Variants in MEGF10 observed in about 807,000 individuals in gnomAD.
MEGF10 encodes multiple EGF like domains 10, also known as multiple epidermal growth factor-like domains protein 10.
Under a neutral mutation model 147.5 loss-of-function variants are expected in MEGF10, and 86 were observed. The observed-to-expected ratio is 0.58, with a 90% CI of 0.49 to 0.70. The LOEUF is 0.70. Among genes scored for constraint, MEGF10 ranks in the 30% least tolerant of loss-of-function variants. The pLI, the probability that MEGF10 is intolerant of heterozygous loss-of-function variation, is 0.00. For missense variants in MEGF10, 1,329 were observed against 1,487.3 expected (o/e 0.89, Z 1.75); for synonymous variants, 478 against 525.5 (o/e 0.91, Z 1.24).
chr5:127,398,674 A>G lies in MEGF10; in HGVS notation c.660-2A>G. ...GTCCTTTGTCACATGTTAATCCCTC[A>G]GCTGTGAGGATCTTTGTCCTCCTGG... On this transcript the variant is annotated splice_acceptor_variant, in intron 6 of 24. Coordinates refer to ENST00000503335, the MANE Select transcript of MEGF10 (RefSeq NM_001256545.2). LOFTEE classifies it high-confidence loss of function. 1 of 1,614,114 alleles carries G rather than the reference A, an allele frequency of 6.2e-7. No individual in the cohort carries two copies. The highest frequency in any genetic ancestry group is 8.5e-7 in the Non-Finnish European group (1 of 1,180,000).
chr5:127,258,642 G>A, the MEGF10 span, among the ~76,000 whole-genome samples: 2 of 152,148 alleles, frequency 1.3e-5, no homozygotes, highest in Non-Finnish European at 2.9e-5. Flanking sequence ...GTACTGGAAG[G>A]TGGGGCCTCT....
intron 4 of MEGF10, among the ~76,000 whole-genome samples, chr5:127,356,598 A>G (rs1347802505): frequency 6.6e-6 from 1 of 152,230 alleles, no homozygotes; most frequent in Non-Finnish European, 1.5e-5. Flanking sequence ...GCTAAAAAAC[A>G]ATAGCTAAGT....
At position 127,422,703 on chromosome 5, in the gene MEGF10, T is replaced by C; in HGVS notation, c.1624T>C (p.Cys542Arg). ...GTACGGGCTGAACTGTGCTGAGCGC[T>C]GCGACTGCAGCCACGCAGATGGCTG... ...GTYGLNCAER[C>R]DCSHADGCHP... is the part of the protein sequence containing the mutation. The change falls in exon 13 of 25, where the codon TGC becomes CGC. Residue 542 changes from cysteine (C) to arginine (R), a missense_variant. Cys to Arg is a radical substitution (Grantham distance 180). Coordinates refer to ENST00000503335, the MANE Select transcript of MEGF10 (RefSeq NM_001256545.2). 6.2e-7 allele frequency: 1 copy of C among 1,614,064 alleles called. No individual in the cohort carries two copies. Among genetic ancestry groups the C allele is most frequent in the Non-Finnish European group, 8.5e-7 (1 of 1,179,988 alleles).
At chr5:127,427,396 T>C (rs1303191054) in intron 13 of MEGF10, among the ~76,000 whole-genome samples, 1 of 151,962 alleles carries the variant, frequency 6.6e-6, no homozygotes, top group African/African-American at 2.4e-5. Context: ...GGACACCCAA[T>C]GAAACTCTAG....
chr5:127,287,272 T>C (rs73785573), upstream of MEGF10, among the ~76,000 whole-genome samples: 970 of 152,110 alleles, frequency 6.4e-3, 9 homozygotes, highest in African/African-American at 0.022. Flanking sequence ...AATGTTGTAC[T>C]GGGCATCCTA....
In MEGF10 at chr5:127,419,095, C is replaced by T. The variant is rs775576692; in HGVS notation, c.1306-25C>T. 10 of 1,584,260 alleles carry T rather than the reference C, an allele frequency of 6.3e-6. No homozygotes were observed. In the African/African-American group the frequency reaches 1.4e-4, roughly 22 times the overall value. On this transcript the variant is annotated intron_variant, in intron 10 of 24. Transcript: ENST00000503335. Reference sequence around the variant, plus strand: ...TTATTTCAGTTGGCAAAATTGAATGCATTTTGCTACTTGTGCCTGTCTAGG... The same window carrying T: ...TTATTTCAGTTGGCAAAATTGAATGTATTTTGCTACTTGTGCCTGTCTAGG...
intron 4 of MEGF10, among the ~76,000 whole-genome samples, chr5:127,358,879 C>A (rs1196504607): frequency 6.6e-6 from 1 of 152,136 alleles, no homozygotes; most frequent in African/African-American, 2.4e-5. Context: ...CTGACTCAAC[C>A]TATAGAGACA....
At chr5:127,284,186 G>C in the MEGF10 span, among the ~76,000 whole-genome samples, 1 of 152,128 alleles carries the variant, frequency 6.6e-6, no homozygotes. Flanking sequence ...AAAATATCTA[G>C]GACTGGAAGA....
the MEGF10 span, among the ~76,000 whole-genome samples, chr5:127,276,348 T>C: frequency 1.3e-5 from 2 of 152,374 alleles, no homozygotes; most frequent in Admixed American, 6.5e-5. Context: ...GGCAGGCTAA[T>C]ATGAATTCCC....
At position 127,420,068 on chromosome 5, in the gene MEGF10, T is replaced by C; in HGVS notation, c.1451T>C (p.Ile484Thr). 6.2e-7 allele frequency: 1 copy of C among 1,614,140 alleles called. No homozygotes were observed. The change falls in exon 12 of 25, where the codon ATC becomes ACC. Residue 484 changes from isoleucine to threonine, a missense_variant. Physicochemically the swap from Ile to Thr is moderately conservative, Grantham distance 89. Coordinates refer to ENST00000503335, the MANE Select transcript of MEGF10 (RefSeq NM_001256545.2). ...GGCTGGCACGGGGTGGACTGCTCCA[T>C]CAGATGTCCCAGTGGCACATGGGGC... ...KAGWHGVDCS[I>T]RCPSGTWGFG...
chr5:127,351,135 TAA>T (rs2126820399), intron 4 of MEGF10, among the ~76,000 whole-genome samples: 1 of 152,298 alleles, frequency 6.6e-6, no homozygotes, highest in African/African-American at 2.4e-5. Context: ...AAAAAATAAC[TAA>T]AAGAGTAAAT....
chr5:127,308,722 G>A (rs867178571), intron 1 of MEGF10, among the ~76,000 whole-genome samples: 8 of 151,838 alleles, frequency 5.3e-5, no homozygotes, highest in Admixed American at 2.6e-4. Flanking sequence ...GTGGGGTGGG[G>A]GGAAGGGGGA....
intron 4 of MEGF10, among the ~76,000 whole-genome samples, chr5:127,368,515 GC>G (rs1762734409): frequency 6.6e-6 from 1 of 152,084 alleles, no homozygotes; most frequent in Admixed American, 6.6e-5. Flanking sequence ...TCACAATAAA[GC>G]CCCAACACCT....
rs1041045097 is a variant in MEGF10, at chr5:127,433,610, G to T, written c.1840+101G>T. On this transcript the variant is annotated intron_variant, in intron 14 of 24. Coordinates refer to ENST00000503335, the MANE Select transcript of MEGF10 (RefSeq NM_001256545.2). Reference sequence around the variant, plus strand: ...ACCTCTCAGTTTATAGTGATGTCCTGTTGCAGTTGAAGGCAAAAGAGAGTG... The same window carrying T: ...ACCTCTCAGTTTATAGTGATGTCCTTTTGCAGTTGAAGGCAAAAGAGAGTG... The T allele has an allele frequency of 4.2e-5, 59 of 1,413,612 alleles. No individual in the cohort carries two copies. In the African/African-American group the frequency reaches 7.4e-4, roughly 18 times the overall value. 87.6% of individuals were successfully genotyped at this position (1,413,612 alleles called of 1,614,324 possible).
At chr5:127,449,470 C>G (rs41298314) in intron 22 of MEGF10, among the ~76,000 whole-genome samples, 1 of 152,270 alleles carries the variant, frequency 6.6e-6, no homozygotes, top group Non-Finnish European at 1.5e-5. Context: ...TCTGCCTGCT[C>G]GTAGCTTACA....
At chr5:127,349,029 T>G (rs1477781612) in intron 4 of MEGF10, among the ~76,000 whole-genome samples, 1 of 152,134 alleles carries the variant, frequency 6.6e-6, no homozygotes, top group Non-Finnish European at 1.5e-5. Context: ...AAAAAAAATT[T>G]GTATTAGTAA....
At chr5:127,406,620 C>G (rs896315531) in intron 8 of MEGF10, among the ~76,000 whole-genome samples, 1 of 152,138 alleles carries the variant, frequency 6.6e-6, no homozygotes, top group Non-Finnish European at 1.5e-5. Flanking sequence ...GGAGCCTGCA[C>G]AGAATTCCCA....
chr5:127,445,778 C>T, intron 20 of MEGF10, 85 bp downstream of exon 20: 2 of 948,962 alleles, frequency 2.1e-6, no homozygotes, highest in Non-Finnish European at 3.4e-6. Context: ...TTTGGCTGTG[C>T]TGTCCATTGT....
intron 1 of MEGF10, among the ~76,000 whole-genome samples, chr5:127,329,052 G>A (rs1447813230): frequency 2.4e-4 from 36 of 152,136 alleles, no homozygotes. Flanking sequence ...ACTGTGTCTG[G>A]CACACAGTAA....
Sources: allele counts gnomAD v4.1 joint callset (sites outside exome capture counted in the v4.1 genomes callset), GRCh38; gene constraint gnomAD v4.1.1; transcripts MANE v1.5; gene names NCBI Gene and HGNC (gene_info 2026-07-23, HGNC 2026-07-21).